The following NKAIN2 variants were observed in gnomAD, a reference collection of about 807,000 sequenced individuals.
NKAIN2 encodes the protein sodium/potassium-transporting ATPase subunit beta-1-interacting protein 2.
NKAIN2 carries 14 observed loss-of-function variants against 32.6 expected under a neutral mutation model. The ratio of observed to expected loss-of-function variants is 0.43; its 90% confidence interval spans 0.28 to 0.67. NKAIN2 has a LOEUF of 0.67. Ranked by LOEUF, NKAIN2 falls within the 30% of genes least tolerant of loss-of-function variation. The pLI is 0.17. For missense variants in NKAIN2, 198 were observed against 258.3 expected, an observed-to-expected ratio of 0.77 and a Z score of 1.60; for synonymous variants, 80 against 87.2, an observed-to-expected ratio of 0.92 and a Z score of 0.46.
At chr6:124,314,903 G>A (rs144558538) in intron 2 of NKAIN2, among the ~76,000 whole-genome samples, 4 of 152,002 alleles carry the variant, frequency 2.6e-5, no homozygotes, top group Non-Finnish European at 5.9e-5. Context: ...GTTAACCAAG[G>A]ATTCTATCTC....
In NKAIN2 at chr6:123,966,039, G is replaced by A. The variant is rs188929105; in HGVS notation, c.54+161785G>A. On this transcript the variant is annotated intron_variant, in intron 1 of 6. Transcript: ENST00000368417. ...GCTAAGATCAACCCTTCTAAATCTT[G>A]GCTATAGTTTGGTGACACCCACTGG... 4.6e-5 allele frequency among the ~76,000 whole-genome samples: 7 copies of A among 152,274 alleles called. No homozygotes were observed. In the East Asian group the frequency reaches 1.4e-3, roughly 29 times the overall value.
At chr6:124,788,597 G>C (rs1779606714) in intron 4 of NKAIN2, among the ~76,000 whole-genome samples, 2 of 152,146 alleles carry the variant, frequency 1.3e-5, no homozygotes, top group South Asian at 4.1e-4. Context: ...GAACAAAGGA[G>C]GAGAAAAGTC....
chr6:124,015,706 T>A (rs1780537375), intron 1 of NKAIN2, among the ~76,000 whole-genome samples: 1 of 152,328 alleles, frequency 6.6e-6, no homozygotes, highest in East Asian at 1.9e-4. Context: ...TCTCCTTTGA[T>A]ACGTATGCTC....
intron 4 of NKAIN2, among the ~76,000 whole-genome samples, chr6:124,721,218 C>CATCCCGGCTAAA (rs1776001294): frequency 6.6e-6 from 1 of 151,864 alleles, no homozygotes; most frequent in African/African-American, 2.4e-5. Context: ...AGATCGAGAC[C>CATCCCGGCTAAA]ACGGTGAAAC....
chr6:124,126,085 T>C (rs1364335349), intron 1 of NKAIN2, among the ~76,000 whole-genome samples: 1 of 152,134 alleles, frequency 6.6e-6, no homozygotes, highest in African/African-American at 2.4e-5. Flanking sequence ...TGCCCTTCAA[T>C]TTTCTGTCCT....
At position 124,454,228 on chromosome 6, in the gene NKAIN2, T is replaced by C. The variant is rs374271348; in HGVS notation, c.273+98881T>C. 2.6e-5 allele frequency among the ~76,000 whole-genome samples: 4 copies of C among 152,142 alleles called. No homozygotes were observed. In the East Asian group the frequency reaches 7.7e-4, roughly 29 times the overall value. Reference sequence around the variant, plus strand: ...TTATGTTTGTATTTAAAGGTTATTTTCATCAACTTTTCATCATAAAAATTG... The same window carrying C: ...TTATGTTTGTATTTAAAGGTTATTTCCATCAACTTTTCATCATAAAAATTG... On this transcript the variant is annotated intron_variant, in intron 3 of 6. Coordinates refer to ENST00000368417, the MANE Select transcript of NKAIN2 (RefSeq NM_001040214.3).
At chr6:124,119,117 A>G (rs999390566) in intron 1 of NKAIN2, among the ~76,000 whole-genome samples, 3 of 152,198 alleles carry the variant, frequency 2.0e-5, no homozygotes, top group Admixed American at 6.5e-5. Flanking sequence ...AAGACATTCT[A>G]TTACCATGTA....
At chr6:124,683,653 A>G (rs1215587617) in intron 4 of NKAIN2, among the ~76,000 whole-genome samples, 3 of 152,134 alleles carry the variant, frequency 2.0e-5, no homozygotes, top group Non-Finnish European at 4.4e-5. Context: ...ACTAGTGTGC[A>G]AGCACCTTGT....
chr6:124,769,949 CCTT>C (rs773185982), intron 4 of NKAIN2, among the ~76,000 whole-genome samples: 1 of 152,090 alleles, frequency 6.6e-6, no homozygotes, highest in African/African-American at 2.4e-5. Flanking sequence ...ATATGTCACA[CCTT>C]CTTCTGGAAA....
chr6:123,965,282 T>C (rs1049757886), intron 1 of NKAIN2, among the ~76,000 whole-genome samples: 13 of 152,288 alleles, frequency 8.5e-5, no homozygotes, highest in African/African-American at 3.1e-4. Context: ...TATTAAAAAA[T>C]AGAGACAATT....
At chr6:124,472,789 A>AT (rs1218841042) in intron 3 of NKAIN2, among the ~76,000 whole-genome samples, 1 of 151,936 alleles carries the variant, frequency 6.6e-6, no homozygotes, top group Non-Finnish European at 1.5e-5. Context: ...ATAGTGTAGT[A>AT]TTTTTTATTT....
At chr6:124,092,486 T>C (rs776600998) in intron 1 of NKAIN2, among the ~76,000 whole-genome samples, 1 of 152,100 alleles carries the variant, frequency 6.6e-6, no homozygotes, top group Non-Finnish European at 1.5e-5. Flanking sequence ...AAAGGAAATA[T>C]TAAAAACTTT....
intron 1 of NKAIN2, among the ~76,000 whole-genome samples, chr6:124,043,573 A>G (rs1446455447): frequency 6.6e-6 from 1 of 152,074 alleles, no homozygotes; most frequent in East Asian, 1.9e-4. Flanking sequence ...TTGGCAGACA[A>G]TATTCATTTT....
chr6:124,728,767 G>A (rs1421557989), intron 4 of NKAIN2, among the ~76,000 whole-genome samples: 4 of 151,820 alleles, frequency 2.6e-5, no homozygotes, highest in Non-Finnish European at 4.4e-5. Context: ...ATGAAACCAG[G>A]AGCTGGTTTT....
chr6:124,445,866 A>T (rs1176719097), intron 3 of NKAIN2, among the ~76,000 whole-genome samples: 1 of 152,124 alleles, frequency 6.6e-6, no homozygotes, highest in Non-Finnish European at 1.5e-5. Flanking sequence ...TTTGCTAAAA[A>T]CATACGTGAG....
intron 4 of NKAIN2, among the ~76,000 whole-genome samples, chr6:124,757,983 G>C (rs1218690861): frequency 6.6e-6 from 1 of 152,134 alleles, no homozygotes; most frequent in Non-Finnish European, 1.5e-5. Flanking sequence ...AGAAAAACAA[G>C]AGAACAAAGT....
chr6:124,356,157 ATGT>A (rs1453877985), intron 3 of NKAIN2, among the ~76,000 whole-genome samples: 1 of 152,212 alleles, frequency 6.6e-6, no homozygotes, highest in African/African-American at 2.4e-5. Context: ...CCCTGCAAAC[ATGT>A]TGATATTTGT....
chr6:124,560,875 C>A (rs535716440), intron 3 of NKAIN2, among the ~76,000 whole-genome samples: 3 of 152,258 alleles, frequency 2.0e-5, no homozygotes, highest in African/African-American at 7.2e-5. Context: ...GTGCCCAGAT[C>A]ATTTGAAAAC....
chr6:124,104,465 A>G (rs979841723), intron 1 of NKAIN2, among the ~76,000 whole-genome samples: 1 of 152,170 alleles, frequency 6.6e-6, no homozygotes, highest in Non-Finnish European at 1.5e-5. Context: ...AGTGAAGAAT[A>G]TCTTTTTCAA....
Sources: gnomAD v4.1 joint callset for allele counts (sites outside exome capture counted in the v4.1 genomes callset) on GRCh38, gnomAD v4.1.1 for gene constraint, MANE v1.5 for transcripts, NCBI Gene and HGNC (gene_info 2026-07-23, HGNC 2026-07-21) for gene names.